The following GRIK1 variants were observed in gnomAD, a reference collection of about 807,000 sequenced individuals.
The protein encoded by GRIK1 is glutamate receptor ionotropic, kainate 1.
GRIK1 carries 69 observed loss-of-function variants against 105.7 expected under a neutral mutation model. The ratio of observed to expected loss-of-function variants is 0.65; its 90% CI spans 0.54 to 0.80. GRIK1 has a LOEUF of 0.80. GRIK1 is among the 30% of genes least tolerant of loss of function. The pLI is 0.00. For missense variants in GRIK1, 1,109 were observed against 1,167.3 expected, an observed-to-expected ratio of 0.95 and a Z score of 0.73; for synonymous variants, 438 against 431.3, an observed-to-expected ratio of 1.02 and a Z score of -0.19.
At chr21:29,845,655 G>A (rs556894629) in intron 1 of GRIK1, among the ~76,000 whole-genome samples, 8 of 152,114 alleles carry the variant, frequency 5.3e-5, no homozygotes, top group African/African-American at 1.9e-4. Flanking sequence ...TTTGTCTAAC[G>A]TAATTTTTGG....
chr21:29,872,989 T>C (rs2069072627), intron 1 of GRIK1, among the ~76,000 whole-genome samples: 1 of 152,172 alleles, frequency 6.6e-6, no homozygotes, highest in African/African-American at 2.4e-5. Flanking sequence ...GAGACGAAAG[T>C]GGACAGCTTC....
chr21:29,859,659 A>T (rs191190741), intron 1 of GRIK1, among the ~76,000 whole-genome samples: 3 of 152,268 alleles, frequency 2.0e-5, no homozygotes, highest in African/African-American at 7.2e-5. Context: ...CTGAGGCTGA[A>T]AAGGATGATT....
intron 1 of GRIK1, among the ~76,000 whole-genome samples, chr21:29,929,333 C>T (rs1048189946): frequency 1.3e-5 from 2 of 152,154 alleles, no homozygotes; most frequent in Non-Finnish European, 2.9e-5. Context: ...TTATCCTTAA[C>T]TAATCGTTGT....
rs904994495 is a variant in GRIK1, at chr21:29,567,321, C to G, written c.2131-5472G>C. 3.3e-5 allele frequency among the ~76,000 whole-genome samples: 5 copies of G among 152,116 alleles called. 1 individual carries two copies. Among genetic ancestry groups the G allele is most frequent in the Admixed American group, 2.6e-4 (4 of 15,272 alleles). On this transcript the variant is annotated intron_variant, in intron 14 of 17. Transcript: ENST00000327783. ...TTTATAAAATATCCCTCTAATGTTT[C>G]TTTTTTATTGAGATAACTATTATTT...
chr21:29,853,829 CAT>C (rs2068379617), intron 1 of GRIK1, among the ~76,000 whole-genome samples: 2 of 152,068 alleles, frequency 1.3e-5, no homozygotes, highest in African/African-American at 4.8e-5. Flanking sequence ...AATAAACAAA[CAT>C]ATAAAGGAAA....
chr21:29,644,078 A>C (rs957661064), intron 6 of GRIK1, among the ~76,000 whole-genome samples: 1 of 152,186 alleles, frequency 6.6e-6, no homozygotes, highest in Non-Finnish European at 1.5e-5. Context: ...TCATAGAATG[A>C]AAATTATCAT....
At chr21:29,731,893 A>C (rs978244909) in intron 1 of GRIK1, among the ~76,000 whole-genome samples, 1 of 151,588 alleles carries the variant, frequency 6.6e-6, no homozygotes, top group African/African-American at 2.4e-5. Context: ...AAGCTCCATC[A>C]TAAATTTGAT....
At chr21:29,798,483 C>A (rs2066615999) in intron 1 of GRIK1, among the ~76,000 whole-genome samples, 1 of 152,110 alleles carries the variant, frequency 6.6e-6, no homozygotes. Flanking sequence ...TTTAGTTGTT[C>A]AAATTTTTCC....
chr21:29,685,010 A>G (rs1307490150), intron 3 of GRIK1, among the ~76,000 whole-genome samples: 1 of 151,940 alleles, frequency 6.6e-6, no homozygotes, highest in Non-Finnish European at 1.5e-5. Flanking sequence ...TTATCTATCT[A>G]CCTACCTGTT....
At chr21:29,550,636 T>C (rs935266455) in intron 16 of GRIK1, among the ~76,000 whole-genome samples, 4 of 152,210 alleles carry the variant, frequency 2.6e-5, no homozygotes, top group Non-Finnish European at 5.9e-5. Flanking sequence ...ACCTCTGCCA[T>C]TGATTTGTAA....
intron 7 of GRIK1, among the ~76,000 whole-genome samples, chr21:29,613,390 A>G (rs944473735): frequency 6.6e-6 from 1 of 152,164 alleles, no homozygotes; most frequent in African/African-American, 2.4e-5. Flanking sequence ...GTTTTTAAAT[A>G]AGTACTTTAG....
At chr21:29,709,837 A>G (rs895138171) in intron 1 of GRIK1, among the ~76,000 whole-genome samples, 3 of 151,756 alleles carry the variant, frequency 2.0e-5, no homozygotes, top group Non-Finnish European at 2.9e-5. Context: ...GAAATACTTT[A>G]ATTTCCTCTT....
At chr21:29,601,142 C>A (rs554965805) in intron 7 of GRIK1, 5 of 442,210 alleles carry the variant, frequency 1.1e-5, no homozygotes, top group Non-Finnish European at 2.4e-5. Flanking sequence ...GCCCTCTCCA[C>A]GTGAGTGGGT....
chr21:29,592,579 G>T (rs1264698007), intron 9 of GRIK1, among the ~76,000 whole-genome samples: 1 of 152,178 alleles, frequency 6.6e-6, no homozygotes, highest in Non-Finnish European at 1.5e-5. Context: ...TTAGAGCCAG[G>T]AAGACCTTGT....
intron 7 of GRIK1, among the ~76,000 whole-genome samples, chr21:29,602,076 T>C (rs1601235345): frequency 6.6e-6 from 1 of 152,246 alleles, no homozygotes; most frequent in African/African-American, 2.4e-5. Context: ...TTTAAGCCAC[T>C]ATCAAGTTTT....
Position 29,565,759 on chromosome 21 carries a change from G to GCA in GRIK1, c.2131-3912_2131-3911dup, listed in dbSNP as rs564319719. Reference sequence around the variant, plus strand: ...GGTATAGTGAGTTTTCTATCACTAGGCAACTGCAAGGAGTATGTCATGCTT... The same window carrying GCA: ...GGTATAGTGAGTTTTCTATCACTAGGCACAACTGCAAGGAGTATGTCATGCTT... On this transcript the variant is annotated intron_variant, in intron 14 of 17. Coordinates refer to ENST00000327783, the MANE Select transcript of GRIK1 (RefSeq NM_001330994.2). Among the ~76,000 whole-genome samples the GCA allele has an allele frequency of 1.6e-3, 247 of 152,282 alleles. 1 individual carries two copies. Among genetic ancestry groups the GCA allele is most frequent in the African/African-American group, 5.8e-3 (240 of 41,564 alleles).
intron 1 of GRIK1, among the ~76,000 whole-genome samples, chr21:29,842,387 T>C (rs1821624611): frequency 1.3e-5 from 2 of 152,074 alleles, no homozygotes; most frequent in South Asian, 4.1e-4. Flanking sequence ...AAATTAGAAA[T>C]GGAGAAATAA....
chr21:29,575,190 T>G (rs1346725709), intron 14 of GRIK1, among the ~76,000 whole-genome samples: 1 of 152,216 alleles, frequency 6.6e-6, no homozygotes, highest in Non-Finnish European at 1.5e-5. Context: ...CCTATTTTTG[T>G]GAACCAATAG....
At chr21:29,738,301 C>G (rs1389500172) in intron 1 of GRIK1, among the ~76,000 whole-genome samples, 1 of 152,246 alleles carries the variant, frequency 6.6e-6, no homozygotes, top group Non-Finnish European at 1.5e-5. Flanking sequence ...GCATGCATTT[C>G]TCTTATAAAG....
Sources: gnomAD v4.1 joint callset for allele counts (sites outside exome capture counted in the v4.1 genomes callset) on GRCh38, gnomAD v4.1.1 for gene constraint, MANE v1.5 for transcripts, NCBI Gene and HGNC (gene_info 2026-07-23, HGNC 2026-07-21) for gene names.